The following ZNF260 variants were observed in gnomAD, a reference collection of about 807,000 sequenced individuals.
ZNF260 encodes the protein zfp-260.
Under a neutral mutation model 29.3 loss-of-function variants are expected in ZNF260, and 21 were observed. The observed-to-expected ratio is 0.72, with a 90% CI of 0.51 to 1.03. The LOEUF is 1.03. Among genes scored for constraint, ZNF260 ranks in the 50% least tolerant of loss-of-function variants. ZNF260 has a pLI of 0.00. For synonymous variants in ZNF260, 156 were observed against 156.8 expected (o/e 0.99, Z 0.04); for missense variants, 465 against 487.8 (o/e 0.95, Z 0.44).
At position 36,513,597 on chromosome 19, in the gene ZNF260, T is replaced by A. The variant is rs559288330; in HGVS notation, c.*403A>T. 2.5e-6 allele frequency: 1 copy of A among 407,842 alleles called. No individual in the cohort carries two copies. The highest frequency in any genetic ancestry group is 2.0e-5 in the African/African-American group (1 of 48,878). The allele number at this position is 407,842 out of a possible 1,614,324, so 25.3% of individuals were successfully genotyped here. ...GTTTTATGACTGCTTCAACAACAAA[T>A]AATTTTGATGATTCTAGTTTTACAA... On this transcript the variant is annotated 3_prime_UTR_variant, in exon 3 of 3. Transcript: ENST00000523638.
chr19:36,519,493 A>C (rs1185866302), intron 2 of ZNF260, among the ~76,000 whole-genome samples: 1 of 152,194 alleles, frequency 6.6e-6, no homozygotes, highest in Non-Finnish European at 1.5e-5. Flanking sequence ...ACCACTCTCA[A>C]CCTCTGAATT....
Position 36,514,601 on chromosome 19 carries a change from A to G in ZNF260, c.638T>C (p.Ile213Thr). The change falls in exon 3 of 3, where the codon ATC becomes ACC. Residue 213 changes from isoleucine (I) to threonine (T), a missense_variant. By Grantham distance (89) the Ile-to-Thr change is moderately conservative. Coordinates refer to ENST00000523638, the MANE Select transcript of ZNF260 (RefSeq NM_001166037.2). ...TTCATAAGGTTTCTCTCCAGTATGGATTCTCTGATGTATAATGAGGTTTTC... is the reference window on the plus strand; with the variant it reads ...TTCATAAGGTTTCTCTCCAGTATGGGTTCTCTGATGTATAATGAGGTTTTC... Reference protein sequence around the residue: ...QKENLIIHQRIHTGEKPYECK... With the variant: ...QKENLIIHQRTHTGEKPYECK... 6.2e-7 allele frequency: 1 copy of G among 1,613,898 alleles called. No homozygotes were observed.
chr19:36,516,731 A>G (rs568229951), intron 2 of ZNF260, among the ~76,000 whole-genome samples: 3 of 152,066 alleles, frequency 2.0e-5, no homozygotes, highest in East Asian at 3.9e-4. Flanking sequence ...GGCGCCCACC[A>G]CCATGCCCTG....
Position 36,514,197 on chromosome 19 carries a change from T to TACACA in ZNF260, c.1041_1042insTGTGT (p.Thr348CysfsTer6). On this transcript the variant is annotated frameshift_variant, in exon 3 of 3. Coordinates refer to ENST00000523638, the MANE Select transcript of ZNF260 (RefSeq NM_001166037.2). LOFTEE classifies it high-confidence loss of function. Reference sequence around the variant, plus strand: ...CCTGTATGGCTTCTCATATGCACAGTAAGAGATGAGCTTTGACAGAAGGCT... The same window carrying TACACA: ...CCTGTATGGCTTCTCATATGCACAGTACACAAAGAGATGAGCTTTGACAGAAGGCT... The TACACA allele has an allele frequency of 6.2e-7, 1 of 1,614,104 alleles. No homozygotes were observed. The highest frequency in any genetic ancestry group is 8.5e-7 in the Non-Finnish European group (1 of 1,179,988).
At chr19:36,520,969 C>G (rs1405336523) in intron 2 of ZNF260, among the ~76,000 whole-genome samples, 1 of 150,342 alleles carries the variant, frequency 6.7e-6, no homozygotes, top group African/African-American at 2.4e-5. Flanking sequence ...GTAGTCCCAG[C>G]TGCTCAGAAG....
At chr19:36,522,931 T>C (rs1345235176) in intron 2 of ZNF260, among the ~76,000 whole-genome samples, 1 of 152,216 alleles carries the variant, frequency 6.6e-6, no homozygotes, top group Non-Finnish European at 1.5e-5. Flanking sequence ...CTGTGATTAG[T>C]ACACTTCTTA....
At position 36,515,132 on chromosome 19, in the gene ZNF260, A is replaced by G. The variant is rs1288340958; in HGVS notation, c.107T>C (p.Phe36Ser). 6 of 1,613,876 alleles carry G rather than the reference A, an allele frequency of 3.7e-6. No individual in the cohort carries two copies. The highest frequency in any genetic ancestry group is 5.1e-6 in the Non-Finnish European group (6 of 1,179,948). The change falls in exon 3 of 3, where the codon TTT becomes TCT. Residue 36 changes from phenylalanine to serine, a missense_variant. Phe to Ser is a radical substitution (Grantham distance 155). Coordinates refer to ENST00000523638, the MANE Select transcript of ZNF260 (RefSeq NM_001166037.2). ...CTCTACAAGGTTTTGCTTCAGGCTA[A>G]AAGTTTTTCTACATTCATTACATTC... ...PYECNECRKT[F>S]SLKQNLVEHK...
At chr19:36,525,699 A>C (rs936187160) in intron 1 of ZNF260, among the ~76,000 whole-genome samples, 2 of 152,044 alleles carry the variant, frequency 1.3e-5, no homozygotes, top group Non-Finnish European at 2.9e-5. Flanking sequence ...AGGCAAGAGA[A>C]TCACTTGAAG....
chr19:36,523,427 A>G (rs1334149506), intron 2 of ZNF260, among the ~76,000 whole-genome samples: 1 of 152,116 alleles, frequency 6.6e-6, no homozygotes, highest in African/African-American at 2.4e-5. Flanking sequence ...GTATCCTCAT[A>G]AAAACATTTA....
intron 2 of ZNF260, among the ~76,000 whole-genome samples, chr19:36,522,975 C>T (rs2034671290): frequency 6.6e-6 from 1 of 152,168 alleles, no homozygotes; most frequent in Non-Finnish European, 1.5e-5. Flanking sequence ...AGATGCCTAA[C>T]AAATACTAAT....
rs1202038821 is a variant in ZNF260, at chr19:36,510,801, T to C, written c.*3199A>G. On this transcript the variant is annotated 3_prime_UTR_variant, in exon 3 of 3. Coordinates refer to ENST00000523638, the MANE Select transcript of ZNF260 (RefSeq NM_001166037.2). Reference sequence around the variant, plus strand: ...TACAGTATACAATATTAGAGAATATTATGTTGCAATTGCTCATCTTACTCT... The same window carrying C: ...TACAGTATACAATATTAGAGAATATCATGTTGCAATTGCTCATCTTACTCT... The C allele has an allele frequency of 6.6e-6, 1 of 152,140 alleles. No individual in the cohort carries two copies. Among genetic ancestry groups the C allele is most frequent in the Non-Finnish European group, 1.5e-5 (1 of 68,020 alleles). 9.4% of individuals were successfully genotyped at this position (152,140 alleles called of 1,614,324 possible). A position where few individuals can be genotyped will look rare whatever the true frequency, so the allele number is the denominator to read the frequency against.
intron 2 of ZNF260, among the ~76,000 whole-genome samples, chr19:36,523,215 C>T (rs1436278738): frequency 1.3e-5 from 2 of 152,212 alleles, no homozygotes; most frequent in Admixed American, 6.5e-5. Flanking sequence ...ACACTCTTTA[C>T]AACCTCGTAG....
intron 2 of ZNF260, 97 bp downstream of exon 2, chr19:36,525,058 A>C (rs2034711761): frequency 6.6e-6 from 1 of 152,374 alleles, no homozygotes; most frequent in Admixed American, 6.6e-5. Context: ...TCTCAAAAAA[A>C]CAAACAAACA....
intron 2 of ZNF260, among the ~76,000 whole-genome samples, chr19:36,524,233 T>C (rs2034690868): frequency 1.3e-5 from 2 of 152,256 alleles, no homozygotes; most frequent in South Asian, 4.1e-4. Context: ...TGGAGTGCAC[T>C]GGCACAATCT....
intron 2 of ZNF260, among the ~76,000 whole-genome samples, chr19:36,524,534 T>TTTTTTTTTTTTTTTTTTTA (rs1555779912): frequency 6.3e-5 from 8 of 126,054 alleles, no homozygotes; most frequent in African/African-American, 1.2e-4. Context: ...TTTTTTTTTT[T>TTTTTTTTTTTTTTTTTTTA]ATTGATCATT....
At chr19:36,523,443 A>G (rs2034677702) in intron 2 of ZNF260, among the ~76,000 whole-genome samples, 1 of 152,186 alleles carries the variant, frequency 6.6e-6, no homozygotes, top group Non-Finnish European at 1.5e-5. Flanking sequence ...ATTTAGAAGC[A>G]TACAGCAGAC....
chr19:36,513,163 A>G lies in ZNF260; in HGVS notation c.*837T>C, dbSNP rs560890857. 6.6e-6 allele frequency: 1 copy of G among 152,242 alleles called. No homozygotes were observed. The highest frequency in any genetic ancestry group is 2.1e-4 in the South Asian group (1 of 4,826). The allele number at this position is 152,242 out of a possible 1,614,324, so 9.4% of individuals were successfully genotyped here. A position where few individuals can be genotyped will look rare whatever the true frequency, so the allele number is the denominator to read the frequency against. ...TCATAGGTATGTATATATAAGAAAA[A>G]AACATAGACATAGAGTTTGGTCCTA... On this transcript the variant is annotated 3_prime_UTR_variant, in exon 3 of 3. Coordinates refer to ENST00000523638, the MANE Select transcript of ZNF260 (RefSeq NM_001166037.2).
At position 36,515,012 on chromosome 19, in the gene ZNF260, C is replaced by T; in HGVS notation, c.227G>A (p.Ser76Asn). 6.2e-7 allele frequency: 1 copy of T among 1,614,072 alleles called. No individual in the cohort carries two copies. The highest frequency in any genetic ancestry group is 8.5e-7 in the Non-Finnish European group (1 of 1,180,008). ...RVSSLTLHLR[S>N]HTGKKAYKCN... ...TTTATATGCCTTCTTTCCTGTGTGACTTCTAAGGTGTAGAGTAAGAGATGA... is the reference window on the plus strand; with the variant it reads ...TTTATATGCCTTCTTTCCTGTGTGATTTCTAAGGTGTAGAGTAAGAGATGA... Residue 76 changes from serine (S) to asparagine (N), a missense_variant, in exon 3 of 3, where the codon AGT becomes AAT. Physicochemically the swap from Ser to Asn is conservative, Grantham distance 46 (BLOSUM62 1). Coordinates refer to ENST00000523638, the MANE Select transcript of ZNF260 (RefSeq NM_001166037.2).
At chr19:36,520,218 A>G (rs912821121) in intron 2 of ZNF260, among the ~76,000 whole-genome samples, 8 of 150,956 alleles carry the variant, frequency 5.3e-5, no homozygotes, top group African/African-American at 1.9e-4. Context: ...AAAAAAAGAA[A>G]GAAAGAAAAA....
Sources: allele counts gnomAD v4.1 joint callset (sites outside exome capture counted in the v4.1 genomes callset), GRCh38; gene constraint gnomAD v4.1.1; transcripts MANE v1.5; gene names NCBI Gene and HGNC (gene_info 2026-07-23, HGNC 2026-07-21).